Variants in EYA4 observed in about 807,000 individuals in gnomAD.
EYA4 encodes protein phosphatase EYA4.
A neutral mutation model predicts 87.9 loss-of-function variants in EYA4; 31 were observed. The observed-to-expected ratio is 0.35, with a 90% CI of 0.27 to 0.48. The LOEUF is 0.48. Ranked by LOEUF, EYA4 falls within the 20% of genes least tolerant of loss-of-function variation. EYA4 has a pLI of 0.99. For synonymous variants in EYA4, 263 were observed against 270.6 expected (o/e 0.97, Z 0.28); for missense variants, 678 against 761.4 (o/e 0.89, Z 1.29).
At chr6:133,383,832 C>A (rs1786467405) in intron 3 of EYA4, among the ~76,000 whole-genome samples, 1 of 152,146 alleles carries the variant, frequency 6.6e-6, no homozygotes. Flanking sequence ...GGATGAACCA[C>A]TAAATGTTTT....
intron 3 of EYA4, among the ~76,000 whole-genome samples, chr6:133,421,227 T>A (rs1790192509): frequency 6.6e-6 from 1 of 152,156 alleles, no homozygotes; most frequent in Admixed American, 6.5e-5. Context: ...CTGCTGTTCC[T>A]ACTACACGCT....
intron 1 of EYA4, among the ~76,000 whole-genome samples, chr6:133,250,802 G>A (rs2128229446): frequency 6.6e-6 from 1 of 152,260 alleles, no homozygotes; most frequent in East Asian, 1.9e-4. Context: ...ATGGGGTTCT[G>A]ATGAGAATTC....
chr6:133,491,975 G>T (rs939979338), intron 13 of EYA4, among the ~76,000 whole-genome samples: 5 of 134,566 alleles, frequency 3.7e-5, no homozygotes, highest in Non-Finnish European at 7.7e-5. Flanking sequence ...AAAAAAAGAG[G>T]AAGAAGAAAA....
chr6:133,326,274 GAGAT>G (rs989671591), intron 2 of EYA4, among the ~76,000 whole-genome samples: 4 of 152,158 alleles, frequency 2.6e-5, no homozygotes, highest in East Asian at 3.9e-4. Flanking sequence ...TAGGTCTGGG[GAGAT>G]AGATAGATAG....
rs143468294 is a variant in EYA4 at position 133,384,624 on chromosome 6, G to A, written c.83+2183G>A. Among the ~76,000 whole-genome samples the A allele has an allele frequency of 1.5e-3, 232 of 152,296 alleles. 2 individuals are homozygous for A. The highest frequency in any genetic ancestry group is 5.0e-3 in the African/African-American group (209 of 41,552). On this transcript the variant is annotated intron_variant, in intron 3 of 19. Transcript: ENST00000355286. Reference sequence around the variant, plus strand: ...AAGTTTGCCCAGACGTTTTGATAATGACAGGTCTCCTCTCCTGACCTGTGG... The same window carrying A: ...AAGTTTGCCCAGACGTTTTGATAATAACAGGTCTCCTCTCCTGACCTGTGG...
intron 2 of EYA4, among the ~76,000 whole-genome samples, chr6:133,293,632 A>C (rs1778669849): frequency 6.6e-6 from 1 of 152,122 alleles, no homozygotes; most frequent in Admixed American, 6.6e-5. Flanking sequence ...CTTGTAAAAC[A>C]TAAAGTTCTT....
chr6:133,454,703 G>A (rs56140782), intron 5 of EYA4, among the ~76,000 whole-genome samples: 9,004 of 152,186 alleles, frequency 0.059, 466 homozygotes, highest in East Asian at 0.23. Flanking sequence ...GCTACTTCTT[G>A]ATGTCTTTTA....
At chr6:133,457,805 A>G (rs1229196368) in intron 6 of EYA4, among the ~76,000 whole-genome samples, 2 of 152,204 alleles carry the variant, frequency 1.3e-5, no homozygotes, top group Non-Finnish European at 2.9e-5. Context: ...AAATAAATCT[A>G]TATGAACAAA....
chr6:133,527,013 T>C (rs1198782648), intron 19 of EYA4, among the ~76,000 whole-genome samples: 1 of 152,250 alleles, frequency 6.6e-6, no homozygotes, highest in Non-Finnish European at 1.5e-5. Flanking sequence ...CATTAATGTT[T>C]AGATTCGGTT....
In EYA4 at chr6:133,511,995, C is replaced by T. The variant is rs1799192754; in HGVS notation, c.1282-726C>T. ...GATTCCATATAAAAAAAAAAAAAAT[C>T]AGGTCAATTGTGTGGGTATACTTAC... On this transcript the variant is annotated intron_variant, in intron 14 of 19. Coordinates refer to ENST00000355286, the MANE Select transcript of EYA4 (RefSeq NM_004100.5). Among the ~76,000 whole-genome samples, 3 of 149,296 alleles carry T rather than the reference C, an allele frequency of 2.0e-5. No homozygotes were observed. The South Asian group carries it at 6.4e-4, about 32-fold the overall frequency.
At chr6:133,252,594 C>G (rs1454376134) in intron 1 of EYA4, among the ~76,000 whole-genome samples, 1 of 151,946 alleles carries the variant, frequency 6.6e-6, no homozygotes, top group African/African-American at 2.4e-5. Flanking sequence ...AAACACATTT[C>G]AAAAATCACT....
intron 2 of EYA4, among the ~76,000 whole-genome samples, chr6:133,365,352 T>A (rs1302758215): frequency 6.6e-6 from 1 of 152,170 alleles, no homozygotes; most frequent in African/African-American, 2.4e-5. Context: ...TTTAGCCACT[T>A]CCTGCCGAAT....
At chr6:133,332,752 C>T (rs931324867) in intron 2 of EYA4, among the ~76,000 whole-genome samples, 1 of 136,980 alleles carries the variant, frequency 7.3e-6, no homozygotes, top group East Asian at 2.1e-4. Context: ...TTAGCAGAGA[C>T]GGGGTTTCAC....
chr6:133,304,240 CAATT>C (rs1229546295), intron 2 of EYA4, among the ~76,000 whole-genome samples: 4 of 152,042 alleles, frequency 2.6e-5, no homozygotes, highest in Admixed American at 6.6e-5. Flanking sequence ...GATACATACT[CAATT>C]ACTTAATTAT....
Position 133,324,904 on chromosome 6 carries a change from ATTTTTTT to A in EYA4, c.33+50109_33+50115del, listed in dbSNP as rs756478373. 1.8e-3 allele frequency among the ~76,000 whole-genome samples: 152 copies of A among 83,590 alleles called. No homozygotes were observed. The South Asian group carries it at 0.043, about 24-fold the overall frequency. The allele number at this position is 83,590 out of a possible 152,430, so 54.8% of individuals were successfully genotyped here. Reference sequence around the variant, plus strand: ...ATTTATGGAGTATATTTCAGAAGCTATTTTTTTTTTTTTTTTTTTTTTTTGAGACAGA... The same window carrying A: ...ATTTATGGAGTATATTTCAGAAGCTATTTTTTTTTTTTTTTTTGAGACAGA... On this transcript the variant is annotated intron_variant, in intron 2 of 19. Coordinates refer to ENST00000355286, the MANE Select transcript of EYA4 (RefSeq NM_004100.5).
chr6:133,410,841 C>G (rs1039142968), intron 3 of EYA4, among the ~76,000 whole-genome samples: 1 of 151,786 alleles, frequency 6.6e-6, no homozygotes, highest in Non-Finnish European at 1.5e-5. Flanking sequence ...TTGCATTTTA[C>G]CATTTTGTAG....
At chr6:133,271,905 T>C (rs997702487) in intron 1 of EYA4, among the ~76,000 whole-genome samples, 6 of 152,204 alleles carry the variant, frequency 3.9e-5, no homozygotes, top group Admixed American at 3.9e-4. Context: ...TACAAATACC[T>C]TCCTGGTTTT....
intron 9 of EYA4, 22 bp downstream of exon 9, chr6:133,462,786 A>T (rs1366493051): frequency 6.2e-7 from 1 of 1,610,218 alleles, no homozygotes; most frequent in South Asian, 1.1e-5. Flanking sequence ...CACATGAAAC[A>T]TGTTTTGGGA....
At chr6:133,498,712 A>T (rs1797845385) in intron 13 of EYA4, among the ~76,000 whole-genome samples, 1 of 151,990 alleles carries the variant, frequency 6.6e-6, no homozygotes, top group African/African-American at 2.4e-5. Flanking sequence ...TTGTGTGTGC[A>T]TGTGTATGTA....
Sources: gnomAD v4.1 joint callset for allele counts (sites outside exome capture counted in the v4.1 genomes callset) on GRCh38, gnomAD v4.1.1 for gene constraint, MANE v1.5 for transcripts, NCBI Gene and HGNC (gene_info 2026-07-23, HGNC 2026-07-21) for gene names.